Variants in HSD11B1 observed in about 807,000 individuals in gnomAD.
HSD11B1 encodes the protein hydroxysteroid 11-beta dehydrogenase 1, also known as 11-beta-hydroxysteroid dehydrogenase 1.
In HSD11B1, 15 loss-of-function variants were observed where a neutral mutation model predicts 22.1. The ratio of observed to expected loss-of-function variants is 0.68; its 90% CI spans 0.45 to 1.04. HSD11B1 has a LOEUF of 1.04. Among genes scored for constraint, HSD11B1 ranks in the 50% least tolerant of loss-of-function variants. HSD11B1 has a pLI of 0.00. For synonymous variants in HSD11B1, 122 were observed against 125.2 expected (o/e 0.97, Z 0.17); for missense variants, 281 against 357.6 (o/e 0.79, Z 1.73).
At position 209,707,016 on chromosome 1, in the gene HSD11B1, T is replaced by C; in HGVS notation, c.405T>C (p.His135=). The change falls in exon 4 of 6, where the codon CAT becomes CAC. Residue 135 remains histidine (H), a synonymous_variant. Coordinates refer to ENST00000367027, the MANE Select transcript of HSD11B1 (RefSeq NM_005525.4). ...SLNLFHDDIH[H]VRKSMEVNFL... ...ATCTTTTTCATGATGATATTCACCA[T>C]GTGCGCAAAAGCATGGAAGTCAACT... 6.2e-7 allele frequency: 1 copy of C among 1,614,042 alleles called. No individual in the cohort carries two copies. Among genetic ancestry groups the C allele is most frequent in the African/African-American group, 1.3e-5 (1 of 75,036 alleles).
rs531734276 is a variant in HSD11B1 at position 209,690,039 on chromosome 1, C to T, written c.-49+3754C>T. Among the ~76,000 whole-genome samples the T allele has an allele frequency of 5.9e-5, 9 of 152,328 alleles. 2 individuals carry two copies. In the South Asian group the frequency reaches 1.9e-3, roughly 32 times the overall value. On this transcript the variant is annotated intron_variant, in intron 1 of 6. Coordinates refer to the HSD11B1 transcript ENST00000261465. ...TTGGCTGAAAATAAACTTTCCTTCT[C>T]CAGCAGTGTCTCATGCCTATAATCC... is the stretch of plus-strand genomic sequence containing the variant.
At chr1:209,716,340 A>G (rs2076929853) in intron 4 of HSD11B1, among the ~76,000 whole-genome samples, 2 of 146,224 alleles carry the variant, frequency 1.4e-5, no homozygotes, top group Admixed American at 1.4e-4. Flanking sequence ...ACAGAAAAAA[A>G]AAAACCACCT....
chr1:209,712,897 A>G (rs984891141), intron 4 of HSD11B1, among the ~76,000 whole-genome samples: 15 of 152,156 alleles, frequency 9.9e-5, no homozygotes, highest in African/African-American at 3.6e-4. Flanking sequence ...AAAAATACAA[A>G]AATTAGCCGG....
chr1:209,732,383 A>G, intron 4 of HSD11B1, 53 bp from the exon 5 acceptor site: 1 of 1,606,632 alleles, frequency 6.2e-7, no homozygotes, highest in Non-Finnish European at 8.5e-7. Flanking sequence ...ACAGCTCTGT[A>G]AGAAGGTGAA....
At chr1:209,729,415 A>C (rs983552464) in intron 4 of HSD11B1, among the ~76,000 whole-genome samples, 17 of 151,902 alleles carry the variant, frequency 1.1e-4, no homozygotes, top group Admixed American at 3.3e-4. Flanking sequence ...AATTTAAATC[A>C]GGTCTGAAGG....
intron 4 of HSD11B1, among the ~76,000 whole-genome samples, chr1:209,729,956 T>C (rs2102399936): frequency 6.6e-6 from 1 of 152,252 alleles, no homozygotes; most frequent in Admixed American, 6.5e-5. Context: ...CCTCAACAAA[T>C]TGGGTATAGA....
chr1:209,693,800 A>G (rs767830441), intron 1 of HSD11B1, among the ~76,000 whole-genome samples: 5 of 152,212 alleles, frequency 3.3e-5, no homozygotes, highest in Non-Finnish European at 5.9e-5. Context: ...GTGCCTCAAA[A>G]TTGTGGACCA....
At chr1:209,717,604 C>T (rs2076937801) in intron 4 of HSD11B1, among the ~76,000 whole-genome samples, 1 of 151,920 alleles carries the variant, frequency 6.6e-6, no homozygotes, top group African/African-American at 2.4e-5. Context: ...GCCTCTAATC[C>T]CAGCACTTTG....
upstream of HSD11B1, among the ~76,000 whole-genome samples, chr1:209,704,317 T>C (rs2076842879): frequency 6.6e-6 from 1 of 152,262 alleles, no homozygotes; most frequent in Non-Finnish European, 1.5e-5. Flanking sequence ...GATGTTGTAA[T>C]ACTTTTTCAT....
At chr1:209,709,495 G>A (rs991233234) in intron 4 of HSD11B1, among the ~76,000 whole-genome samples, 5 of 152,084 alleles carry the variant, frequency 3.3e-5, no homozygotes, top group African/African-American at 1.2e-4. Context: ...CTACTGTAAC[G>A]AAGACCCGAA....
At position 209,707,021 on chromosome 1, in the gene HSD11B1, G is replaced by T; in HGVS notation, c.410G>T (p.Arg137Leu). Reference sequence around the variant, plus strand: ...TTTCATGATGATATTCACCATGTGCGCAAAAGCATGGAAGTCAACTTCCTC... The same window carrying T: ...TTTCATGATGATATTCACCATGTGCTCAAAAGCATGGAAGTCAACTTCCTC... ...NLFHDDIHHV[R>L]KSMEVNFLSY... The change falls in exon 4 of 6, where the codon CGC becomes CTC. Residue 137 changes from arginine (R) to leucine (L), a missense_variant. Transcript: ENST00000367027. 1.2e-6 allele frequency: 2 copies of T among 1,613,884 alleles called. No homozygotes were observed. The highest frequency in any genetic ancestry group is 1.7e-6 in the Non-Finnish European group (2 of 1,179,784).
At chr1:209,698,739 A>T (rs149794265) in intron 1 of HSD11B1, among the ~76,000 whole-genome samples, 101 of 152,348 alleles carry the variant, frequency 6.6e-4, no homozygotes, top group African/African-American at 2.3e-3. Flanking sequence ...CATGCCCTTA[A>T]AACATAAAAA....
At chr1:209,705,161 G>A in intron 1 of HSD11B1, 131 bp downstream of exon 1, 1 of 774,778 alleles carries the variant, frequency 1.3e-6, no homozygotes. Context: ...GAGTTAAGAT[G>A]GTATTTTTGT....
chr1:209,734,744 A>G lies in HSD11B1; in HGVS notation c.*223A>G. The stretch of plus-strand genomic sequence containing the variant: ...TGCAGCCAGCAGTTGTAAAATTGTT[A>G]GTAAACATAGGTATAATTACCAGAT... On this transcript the variant is annotated 3_prime_UTR_variant, in exon 6 of 6. Coordinates refer to ENST00000367027, the MANE Select transcript of HSD11B1 (RefSeq NM_005525.4). 1 of 460,268 alleles carries G rather than the reference A, an allele frequency of 2.2e-6. No individual in the cohort carries two copies. Among genetic ancestry groups the G allele is most frequent in the South Asian group, 2.5e-5 (1 of 39,624 alleles). 28.5% of individuals were successfully genotyped at this position (460,268 alleles called of 1,614,324 possible).
chr1:209,689,350 C>T (rs1001091478), intron 1 of HSD11B1, among the ~76,000 whole-genome samples: 15 of 152,274 alleles, frequency 9.9e-5, no homozygotes, highest in African/African-American at 3.1e-4. Flanking sequence ...CCAATGAAAC[C>T]GCCAGGGGCC....
chr1:209,731,551 G>A (rs763777000), intron 4 of HSD11B1, among the ~76,000 whole-genome samples: 1 of 152,134 alleles, frequency 6.6e-6, no homozygotes, highest in Admixed American at 6.5e-5. Context: ...AGACTATAGG[G>A]TCTCAGGTCA....
At chr1:209,687,512 T>A (rs2076735352) in intron 1 of HSD11B1, among the ~76,000 whole-genome samples, 1 of 152,246 alleles carries the variant, frequency 6.6e-6, no homozygotes, top group South Asian at 2.1e-4. Flanking sequence ...GTGTCCAATT[T>A]CTGAGCTAGA....
At chr1:209,728,971 G>C (rs886697374) in intron 4 of HSD11B1, among the ~76,000 whole-genome samples, 5 of 152,104 alleles carry the variant, frequency 3.3e-5, no homozygotes, top group African/African-American at 1.2e-4. Flanking sequence ...GCTTTCTTTT[G>C]GCACATGGGC....
At chr1:209,687,180 G>T (rs1283156965) in intron 1 of HSD11B1, among the ~76,000 whole-genome samples, 1 of 152,174 alleles carries the variant, frequency 6.6e-6, no homozygotes, top group Non-Finnish European at 1.5e-5. Flanking sequence ...ATCTACAGAC[G>T]ACGATGATGT....
Sources: allele counts gnomAD v4.1 joint callset (sites outside exome capture counted in the v4.1 genomes callset), GRCh38; gene constraint gnomAD v4.1.1; transcripts MANE v1.5; gene names NCBI Gene and HGNC (gene_info 2026-07-23, HGNC 2026-07-21).